WWOX: variants seen among roughly 807,000 people sequenced by gnomAD.
WWOX encodes the protein WW domain containing oxidoreductase.
Under a neutral mutation model 46.2 loss-of-function variants are expected in WWOX, and 69 were observed. The ratio of observed to expected loss-of-function variants is 1.49; its 90% confidence interval spans 1.23 to 1.82. WWOX has a LOEUF of 1.82. Ranked by LOEUF, WWOX falls within the 40% of genes most tolerant of loss-of-function variation. The pLI is 0.00. For missense variants in WWOX, 919 were observed against 542.6 expected (o/e 1.69, Z -6.89); for synonymous variants, 359 against 202.6 (o/e 1.77, Z -6.56).
chr16:78,371,555 A>C (rs966032633), intron 5 of WWOX, among the ~76,000 whole-genome samples: 3 of 152,142 alleles, frequency 2.0e-5, no homozygotes, highest in East Asian at 3.9e-4. Flanking sequence ...ATAAATGGTT[A>C]ATCTCTTCTA....
chr16:78,483,803 TCA>T (rs2084559359), intron 8 of WWOX, among the ~76,000 whole-genome samples: 1 of 152,110 alleles, frequency 6.6e-6, no homozygotes, highest in Non-Finnish European at 1.5e-5. Context: ...TTTATTTAAC[TCA>T]CATTAATTAG....
chr16:79,022,740 C>T (rs1276561552), intron 8 of WWOX, among the ~76,000 whole-genome samples: 1 of 152,262 alleles, frequency 6.6e-6, no homozygotes, highest in East Asian at 1.9e-4. Context: ...AGGCAGTGGC[C>T]CCCCACCAAG....
intron 6 of WWOX, among the ~76,000 whole-genome samples, chr16:78,414,025 C>G (rs890670297): frequency 1.3e-5 from 2 of 151,932 alleles, no homozygotes; most frequent in Admixed American, 6.6e-5. Context: ...TGATGACATT[C>G]CATCAGTGTG....
At chr16:79,021,455 C>T (rs189933463) in intron 8 of WWOX, among the ~76,000 whole-genome samples, 12 of 152,210 alleles carry the variant, frequency 7.9e-5, no homozygotes, top group Non-Finnish European at 1.6e-4. Flanking sequence ...GGAAACCAAT[C>T]ATATTAAAAT....
rs1555517884 is a variant in WWOX, at chr16:78,314,705, T to TTTTG, written c.517-72152_517-72151insGTTT. Among the ~76,000 whole-genome samples, 111 of 67,388 alleles carry TTTTG rather than the reference T, an allele frequency of 1.6e-3. 2 individuals carry two copies. Among genetic ancestry groups the TTTTG allele is most frequent in the East Asian group, 6.0e-3 (3 of 498 alleles). 44.2% of individuals were successfully genotyped at this position (67,388 alleles called of 152,430 possible). On this transcript the variant is annotated intron_variant, in intron 5 of 8. Coordinates refer to ENST00000566780, the MANE Select transcript of WWOX (RefSeq NM_016373.4). ...CTGCAGGGGTTTTTTTTTTTTGTTT[T>TTTTG]TTTTTTTTTTTTTTTTCTGTATTTT...
At chr16:78,967,286 C>CTTTTTT (rs71140849) in intron 8 of WWOX, among the ~76,000 whole-genome samples, 3 of 56,830 alleles carry the variant, frequency 5.3e-5, no homozygotes, top group Non-Finnish European at 8.6e-5. Context: ...CTGCCGAGGC[C>CTTTTTT]TTTTTTTTTT....
intron 8 of WWOX, among the ~76,000 whole-genome samples, chr16:78,864,244 G>C (rs1268885828): frequency 1.6e-4 from 25 of 151,858 alleles, no homozygotes; most frequent in South Asian, 2.1e-4. Context: ...AGATAATACA[G>C]AATGGAGCCC....
chr16:78,403,452 A>C (rs1312876271), intron 6 of WWOX, among the ~76,000 whole-genome samples: 1 of 152,162 alleles, frequency 6.6e-6, no homozygotes, highest in East Asian at 1.9e-4. Context: ...AATGGCTTGT[A>C]TTGCTGCTTT....
intron 8 of WWOX, among the ~76,000 whole-genome samples, chr16:78,706,008 A>C (rs2048320365): frequency 6.8e-6 from 1 of 146,928 alleles, no homozygotes; most frequent in Non-Finnish European, 1.5e-5. Context: ...ATTCTCAAGA[A>C]GCTTTCATTC....
At chr16:79,085,425 A>G (rs1371075863) in intron 8 of WWOX, among the ~76,000 whole-genome samples, 1 of 152,146 alleles carries the variant, frequency 6.6e-6, no homozygotes, top group Non-Finnish European at 1.5e-5. Flanking sequence ...TGAGCTTTGA[A>G]AAAGAGCTTT....
chr16:78,314,701 G>GTTT (rs920575863), intron 5 of WWOX, among the ~76,000 whole-genome samples: 51 of 61,278 alleles, frequency 8.3e-4, no homozygotes, highest in East Asian at 7.3e-3. Context: ...TTTTTTTTTT[G>GTTT]TTTTTTTTTT....
intron 8 of WWOX, among the ~76,000 whole-genome samples, chr16:78,787,465 A>C (rs1048008577): frequency 6.6e-6 from 1 of 152,158 alleles, no homozygotes; most frequent in African/African-American, 2.4e-5. Context: ...CATGCTTTCA[A>C]GGTTCATCCA....
chr16:78,448,930 G>A (rs4309410), intron 8 of WWOX, among the ~76,000 whole-genome samples: 11,180 of 152,178 alleles, frequency 0.073, 502 homozygotes, highest in East Asian at 0.2. Context: ...TCCTTGGGTC[G>A]GCTATCTTGC....
chr16:78,872,240 C>G (rs2044144506), intron 8 of WWOX, among the ~76,000 whole-genome samples: 2 of 152,200 alleles, frequency 1.3e-5, no homozygotes, highest in Admixed American at 6.5e-5. Flanking sequence ...ACTGAGATCT[C>G]TATGAGAGCT....
Position 79,211,682 on chromosome 16 carries a change from C to G in WWOX, c.1131C>G (p.Asn377Lys), listed in dbSNP as rs377129275. Residue 377 changes from asparagine (N) to lysine (K), a missense_variant, in exon 9 of 9, where the codon AAC becomes AAG. Coordinates refer to ENST00000566780, the MANE Select transcript of WWOX (RefSeq NM_016373.4). ...ELEGLGGMYF[N>K]NCCRCMPSPE... is the part of the protein sequence containing the mutation. ...AGGGTCTGGGAGGGATGTACTTCAA[C>G]AACTGCTGCCGCTGCATGCCCTCAC... is the stretch of plus-strand genomic sequence containing the variant. 6.2e-7 allele frequency: 1 copy of G among 1,614,214 alleles called. No individual in the cohort carries two copies. The highest frequency in any genetic ancestry group is 1.1e-5 in the South Asian group (1 of 91,086).
At chr16:78,863,224 C>G (rs1437675956) in intron 8 of WWOX, among the ~76,000 whole-genome samples, 2 of 152,132 alleles carry the variant, frequency 1.3e-5, no homozygotes, top group South Asian at 2.1e-4. Context: ...TCCCAAAGTG[C>G]TAGGATTACA....
At chr16:78,673,028 C>T (rs946152374) in intron 8 of WWOX, among the ~76,000 whole-genome samples, 6 of 152,262 alleles carry the variant, frequency 3.9e-5, no homozygotes, top group East Asian at 3.9e-4. Flanking sequence ...CTTTGAAACC[C>T]GTCAATGGGG....
chr16:78,857,199 A>G (rs905666961), intron 8 of WWOX, among the ~76,000 whole-genome samples: 1 of 152,322 alleles, frequency 6.6e-6, no homozygotes, highest in African/African-American at 2.4e-5. Flanking sequence ...GAACCTCCTA[A>G]TAGAAAAATG....
chr16:78,220,310 T>C (rs575824019), intron 5 of WWOX, among the ~76,000 whole-genome samples: 1 of 152,306 alleles, frequency 6.6e-6, no homozygotes, highest in South Asian at 2.1e-4. Context: ...TTTCATACAC[T>C]TAAATGTACA....
Sources: allele counts gnomAD v4.1 joint callset (sites outside exome capture counted in the v4.1 genomes callset), GRCh38; gene constraint gnomAD v4.1.1; transcripts MANE v1.5; gene names NCBI Gene and HGNC (gene_info 2026-07-23, HGNC 2026-07-21).